The following TECRL variants were observed in gnomAD, a reference collection of about 807,000 sequenced individuals.
TECRL encodes the protein trans-2,3-enoyl-CoA reductase like, also known as trans-2,3-enoyl-CoA reductase-like.
In TECRL, 63 loss-of-function variants were observed where a neutral mutation model predicts 52.8. That is an observed-to-expected ratio of 1.19 (90% CI 0.97 to 1.47). The LOEUF is 1.47. Ranked by LOEUF, TECRL falls within the 40% of genes most tolerant of loss-of-function variation. The pLI, the probability that TECRL is intolerant of heterozygous loss-of-function variation, is 0.00. For missense variants in TECRL, 482 were observed against 429.6 expected (o/e 1.12, Z -1.08); for synonymous variants, 164 against 141.9 (o/e 1.16, Z -1.10).
chr4:64,362,497 C>T (rs901140831), intron 2 of TECRL, among the ~76,000 whole-genome samples: 1 of 152,068 alleles, frequency 6.6e-6, no homozygotes, highest in African/African-American at 2.4e-5. Context: ...ATCAGGCTAA[C>T]ACCAGACCTT....
chr4:64,401,761 T>C (rs1450437346), intron 1 of TECRL, among the ~76,000 whole-genome samples: 2 of 152,188 alleles, frequency 1.3e-5, no homozygotes, highest in Non-Finnish European at 2.9e-5. Flanking sequence ...CTAGTTTCCG[T>C]AGACAGAAAT....
At chr4:64,399,766 C>A (rs922081644) in intron 1 of TECRL, among the ~76,000 whole-genome samples, 1 of 152,126 alleles carries the variant, frequency 6.6e-6, no homozygotes, top group Non-Finnish European at 1.5e-5. Context: ...GCTTGGGAAC[C>A]ATTGCCTAGA....
intron 1 of TECRL, among the ~76,000 whole-genome samples, chr4:64,398,583 CTA>C (rs1724129168): frequency 6.6e-6 from 1 of 152,146 alleles, no homozygotes; most frequent in African/African-American, 2.4e-5. Flanking sequence ...TGCCATGCCA[CTA>C]TACTTCCTGT....
At chr4:64,300,626 A>AAC (rs1723963875) in intron 7 of TECRL, among the ~76,000 whole-genome samples, 3 of 151,018 alleles carry the variant, frequency 2.0e-5, no homozygotes, top group Non-Finnish European at 4.5e-5. Context: ...TAATAATAAA[A>AAC]ATAGAATTAT....
intron 4 of TECRL, 32 bp from the exon 5 acceptor site, chr4:64,314,795 T>C (rs1228691514): frequency 6.9e-7 from 1 of 1,447,710 alleles, no homozygotes; most frequent in African/African-American, 1.4e-5. Context: ...GATTAAACGA[T>C]AAAAATAGAT....
intron 1 of TECRL, among the ~76,000 whole-genome samples, chr4:64,388,642 T>C (rs956518761): frequency 2.0e-5 from 3 of 151,928 alleles, no homozygotes; most frequent in African/African-American, 7.2e-5. Flanking sequence ...ATACTGAATC[T>C]TCCTATCCAC....
chr4:64,320,902 A>T (rs1717853843), intron 4 of TECRL, among the ~76,000 whole-genome samples: 1 of 152,122 alleles, frequency 6.6e-6, no homozygotes, highest in South Asian at 2.1e-4. Context: ...AGAATTCATA[A>T]GGTTCTAAAC....
chr4:64,365,462 T>C (rs1041914123), intron 2 of TECRL, among the ~76,000 whole-genome samples: 19 of 152,206 alleles, frequency 1.2e-4, no homozygotes, highest in African/African-American at 4.3e-4. Flanking sequence ...ATAGAGGATA[T>C]GATTCTGTAT....
chr4:64,337,040 T>G (rs533086408), intron 2 of TECRL, among the ~76,000 whole-genome samples: 44 of 152,296 alleles, frequency 2.9e-4, no homozygotes, highest in Non-Finnish European at 4.7e-4. Context: ...GGTGCAGAGC[T>G]GAATTCAATT....
At chr4:64,289,848 T>C in intron 8 of TECRL, 81 bp from the exon 9 acceptor site, 1 of 881,330 alleles carries the variant, frequency 1.1e-6, no homozygotes, top group Non-Finnish European at 1.6e-6. Context: ...TTATATAAAA[T>C]CTGTGTTGTA....
intron 5 of TECRL, among the ~76,000 whole-genome samples, chr4:64,310,704 G>T (rs770431830): frequency 6.6e-6 from 1 of 152,032 alleles, no homozygotes; most frequent in Non-Finnish European, 1.5e-5. Flanking sequence ...ATTCAATACG[G>T]ATCAAAGATG....
intron 2 of TECRL, among the ~76,000 whole-genome samples, chr4:64,342,433 ATG>A (rs144001005): frequency 4.0e-5 from 6 of 150,096 alleles, no homozygotes; most frequent in African/African-American, 9.8e-5. Context: ...ATATATATAT[ATG>A]TGTGTGTGTG....
intron 6 of TECRL, among the ~76,000 whole-genome samples, chr4:64,309,234 T>C (rs952875795): frequency 4.6e-5 from 7 of 152,210 alleles, no homozygotes; most frequent in Non-Finnish European, 1.0e-4. Context: ...ACACTTTTTT[T>C]ACAGACAAAC....
intron 2 of TECRL, among the ~76,000 whole-genome samples, chr4:64,368,441 G>A (rs1234859292): frequency 1.2e-5 from 1 of 82,346 alleles, no homozygotes; most frequent in African/African-American, 3.2e-5. Context: ...GATTACAGGC[G>A]CACGCCACCA....
rs566996446 is a variant in TECRL, at chr4:64,362,627, C to CTT, written c.286+12543_286+12544dup. On this transcript the variant is annotated intron_variant, in intron 2 of 11. Transcript: ENST00000381210. ...TGAGCTTCATAAACAAAAAATAAAA[C>CTT]TTTTTTCAGAGAAGTAAATGCTATG... Among the ~76,000 whole-genome samples, 52 of 151,686 alleles carry CTT rather than the reference C, an allele frequency of 3.4e-4. No individual in the cohort carries two copies. In the East Asian group the frequency reaches 9.3e-3, roughly 27 times the overall value.
intron 2 of TECRL, among the ~76,000 whole-genome samples, chr4:64,331,912 A>G (rs533653746): frequency 2.6e-5 from 4 of 152,292 alleles, no homozygotes; most frequent in Middle Eastern, 3.4e-3. Context: ...CATCCACAAT[A>G]ATAAGCAAAA....
At chr4:64,312,040 T>C (rs1270467395) in intron 5 of TECRL, among the ~76,000 whole-genome samples, 1 of 152,194 alleles carries the variant, frequency 6.6e-6, no homozygotes, top group African/African-American at 2.4e-5. Flanking sequence ...ATACAGTTCC[T>C]ATGGGAGATG....
intron 1 of TECRL, among the ~76,000 whole-genome samples, chr4:64,389,097 A>G (rs1340113808): frequency 1.3e-5 from 2 of 151,814 alleles, no homozygotes; most frequent in Non-Finnish European, 2.9e-5. Flanking sequence ...TTCCTTGCCT[A>G]TCTGTAAACT....
chr4:64,331,153 T>C (rs1176908938), intron 2 of TECRL, among the ~76,000 whole-genome samples: 1 of 152,016 alleles, frequency 6.6e-6, no homozygotes, highest in Non-Finnish European at 1.5e-5. Context: ...AAGAGAGAAC[T>C]AGAAAGAAAT....
Sources: gnomAD v4.1 joint callset for allele counts (sites outside exome capture counted in the v4.1 genomes callset) on GRCh38, gnomAD v4.1.1 for gene constraint, MANE v1.5 for transcripts, NCBI Gene and HGNC (gene_info 2026-07-23, HGNC 2026-07-21) for gene names.